FAM163A: variants seen among roughly 807,000 people sequenced by gnomAD.
FAM163A encodes the protein family with sequence similarity 163 member A, also known as protein FAM163A.
A neutral mutation model predicts 12.0 loss-of-function variants in FAM163A; 7 were observed. The observed-to-expected ratio is 0.58, with a 90% CI of 0.33 to 1.10. The LOEUF (loss-of-function observed/expected upper bound fraction) is 1.10, where lower values mean the gene tolerates loss of function less well. Ranked by LOEUF, FAM163A falls within the 50% of genes least tolerant of loss-of-function variation. The pLI is 0.03. For missense variants in FAM163A, 202 were observed against 218.6 expected (o/e 0.92, Z 0.48); for synonymous variants, 101 against 91.0 (o/e 1.11, Z -0.62).
At chr1:179,789,733 A>G (rs750071197) in intron 1 of FAM163A, among the ~76,000 whole-genome samples, 1 of 152,206 alleles carries the variant, frequency 6.6e-6, no homozygotes, top group Non-Finnish European at 1.5e-5. Context: ...TAATCGAGTA[A>G]TATTACCCAG....
chr1:179,738,384 C>T (rs994547165), upstream of FAM163A, among the ~76,000 whole-genome samples: 1 of 151,940 alleles, frequency 6.6e-6, no homozygotes, highest in Non-Finnish European at 1.5e-5. Flanking sequence ...TATTACATGT[C>T]AATTTAAAAT....
chr1:179,729,111 A>G, the FAM163A span, among the ~76,000 whole-genome samples: 7 of 152,112 alleles, frequency 4.6e-5, no homozygotes, highest in Non-Finnish European at 8.8e-5. Context: ...CTCTTCTTGG[A>G]CTTCTTGCCT....
At chr1:179,745,011 T>C (rs919955206) in intron 1 of FAM163A, among the ~76,000 whole-genome samples, 3 of 152,216 alleles carry the variant, frequency 2.0e-5, no homozygotes, top group Non-Finnish European at 4.4e-5. Context: ...GTTCAGACCC[T>C]GAAAGAGGTG....
At chr1:179,806,296 A>T (rs1348221034) in intron 1 of FAM163A, among the ~76,000 whole-genome samples, 1 of 152,224 alleles carries the variant, frequency 6.6e-6, no homozygotes, top group Non-Finnish European at 1.5e-5. Flanking sequence ...CCCCACTGTG[A>T]TACCCAGTCG....
chr1:179,732,725 A>G, the FAM163A span, among the ~76,000 whole-genome samples: 3 of 151,836 alleles, frequency 2.0e-5, no homozygotes, highest in African/African-American at 7.3e-5. Flanking sequence ...TACTAAAAAT[A>G]CAAAAATTAG....
chr1:179,729,144 TC>T, the FAM163A span, among the ~76,000 whole-genome samples: 12 of 152,224 alleles, frequency 7.9e-5, no homozygotes, highest in African/African-American at 2.7e-4. Context: ...CCTTGTTGTT[TC>T]TTTAGAATAG....
chr1:179,763,728 A>G (rs1250682918), intron 1 of FAM163A, among the ~76,000 whole-genome samples: 1 of 152,224 alleles, frequency 6.6e-6, no homozygotes, highest in Admixed American at 6.5e-5. Context: ...GTGGTAGGTT[A>G]TAGCAAGTCC....
chr1:179,746,590 A>G (rs1212847492), intron 1 of FAM163A, among the ~76,000 whole-genome samples: 1 of 152,218 alleles, frequency 6.6e-6, no homozygotes, highest in Non-Finnish European at 1.5e-5. Context: ...CTATAGACAC[A>G]AAACCTAATC....
At chr1:179,777,591 T>C (rs1689154795) in intron 1 of FAM163A, among the ~76,000 whole-genome samples, 1 of 152,142 alleles carries the variant, frequency 6.6e-6, no homozygotes, top group African/African-American at 2.4e-5. Context: ...AACTGAAGGT[T>C]TGAACACTGC....
intron 1 of FAM163A, among the ~76,000 whole-genome samples, chr1:179,758,675 G>C (rs1402177842): frequency 3.3e-5 from 5 of 152,238 alleles, no homozygotes; most frequent in Admixed American, 2.0e-4. Context: ...GTCCAGGACT[G>C]ACTTTTAGCA....
At chr1:179,780,684 C>A (rs1468228405) in intron 1 of FAM163A, among the ~76,000 whole-genome samples, 1 of 152,176 alleles carries the variant, frequency 6.6e-6, no homozygotes, top group Admixed American at 6.5e-5. Context: ...TTGATACTTG[C>A]TAAAGTTTGT....
chr1:179,773,677 T>G (rs1032701853), intron 1 of FAM163A, among the ~76,000 whole-genome samples: 36 of 152,316 alleles, frequency 2.4e-4, no homozygotes, highest in African/African-American at 8.2e-4. Flanking sequence ...CTTCATGACC[T>G]AGCAGTAAGG....
chr1:179,762,901 C>T (rs111374588), intron 1 of FAM163A, among the ~76,000 whole-genome samples: 107 of 152,260 alleles, frequency 7.0e-4, no homozygotes, highest in Middle Eastern at 3.4e-3. Context: ...AATAATTTTC[C>T]TTCTGCTTTT....
At chr1:179,806,728 T>C (rs1395131070) in intron 1 of FAM163A, among the ~76,000 whole-genome samples, 3 of 152,212 alleles carry the variant, frequency 2.0e-5, no homozygotes, top group Non-Finnish European at 4.4e-5. Flanking sequence ...GCATCACCCC[T>C]ACAGGGCATC....
intron 1 of FAM163A, among the ~76,000 whole-genome samples, chr1:179,757,930 CA>C (rs1686261707): frequency 6.6e-6 from 1 of 152,178 alleles, no homozygotes; most frequent in Non-Finnish European, 1.5e-5. Flanking sequence ...CTAAAGGATT[CA>C]AGTGTTTGAG....
intron 1 of FAM163A, among the ~76,000 whole-genome samples, chr1:179,797,653 T>C (rs1266002566): frequency 6.6e-6 from 1 of 152,182 alleles, no homozygotes; most frequent in Non-Finnish European, 1.5e-5. Context: ...TTCTACAATG[T>C]GTACCTATAT....
intron 2 of FAM163A, among the ~76,000 whole-genome samples, chr1:179,811,545 A>T (rs1694705150): frequency 6.6e-6 from 1 of 152,178 alleles, no homozygotes; most frequent in African/African-American, 2.4e-5. Context: ...TATCTTTCTA[A>T]TGGTGCTCCC....
At chr1:179,812,596 C>T (rs984300700) in intron 3 of FAM163A, among the ~76,000 whole-genome samples, 44 of 152,192 alleles carry the variant, frequency 2.9e-4, no homozygotes, top group Admixed American at 2.0e-3. Context: ...GATGAACGGG[C>T]TGGGTGGAAT....
rs1692461621 is a variant in FAM163A at position 179,797,273 on chromosome 1, C to G, written c.-135-10525C>G. ...ACCAGCCTGGCCAACATGGTGAAAC[C>G]TCGTCTCTACTAAAAATACAAAAAA... On this transcript the variant is annotated intron_variant, in intron 1 of 4. Transcript: ENST00000341785. Among the ~76,000 whole-genome samples the G allele has an allele frequency of 4.6e-5, 7 of 152,228 alleles. No homozygotes were observed. The South Asian group carries it at 1.4e-3, about 32-fold the overall frequency.
Sources: allele counts gnomAD v4.1 joint callset (sites outside exome capture counted in the v4.1 genomes callset), GRCh38; gene constraint gnomAD v4.1.1; transcripts MANE v1.5; gene names NCBI Gene and HGNC (gene_info 2026-07-23, HGNC 2026-07-21).